Variants in NEURL1 observed in about 807,000 individuals in gnomAD.
The protein encoded by NEURL1 is neuralized E3 ubiquitin protein ligase 1.
In NEURL1, 26 loss-of-function variants were observed where a neutral mutation model predicts 41.2. The ratio of observed to expected loss-of-function variants is 0.63; its 90% CI spans 0.46 to 0.87. The LOEUF (loss-of-function observed/expected upper bound fraction) is 0.87. Ranked by LOEUF, NEURL1 falls within the 40% of genes least tolerant of loss-of-function variation. The pLI is 0.00. For missense variants in NEURL1, 761 were observed against 871.1 expected, an observed-to-expected ratio of 0.87 and a Z score of 1.59; for synonymous variants, 400 against 402.3, an observed-to-expected ratio of 0.99 and a Z score of 0.07.
chr10:103,530,964 T>A (rs1422805377), intron 1 of NEURL1, among the ~76,000 whole-genome samples: 3 of 152,134 alleles, frequency 2.0e-5, no homozygotes, highest in African/African-American at 7.2e-5. Context: ...GGCTTATGCC[T>A]ATAATCCCAG....
At chr10:103,514,171 C>T (rs527915961) in intron 1 of NEURL1, among the ~76,000 whole-genome samples, 1 of 152,060 alleles carries the variant, frequency 6.6e-6, no homozygotes, top group East Asian at 1.9e-4. Flanking sequence ...TCACTGCAAC[C>T]TCCGCCTCCT....
chr10:103,522,147 G>C (rs1400896752), intron 1 of NEURL1, among the ~76,000 whole-genome samples: 2 of 152,118 alleles, frequency 1.3e-5, no homozygotes, highest in Non-Finnish European at 2.9e-5. Context: ...CATCAGTTAA[G>C]GCAAGAACTG....
chr10:103,530,149 C>A (rs2034540191), intron 1 of NEURL1, among the ~76,000 whole-genome samples: 1 of 152,096 alleles, frequency 6.6e-6, no homozygotes, highest in Non-Finnish European at 1.5e-5. Context: ...AAAAAACCAA[C>A]TTTTTTTGTC....
chr10:103,523,572 A>G (rs969587166), intron 1 of NEURL1, among the ~76,000 whole-genome samples: 3 of 152,150 alleles, frequency 2.0e-5, no homozygotes, highest in Admixed American at 1.3e-4. Context: ...GTGCTTCTGA[A>G]TCTGTAAACC....
At chr10:103,576,096 A>C (rs1041163415) in intron 3 of NEURL1, among the ~76,000 whole-genome samples, 1 of 152,194 alleles carries the variant, frequency 6.6e-6, no homozygotes, top group African/African-American at 2.4e-5. Flanking sequence ...TCCTGGAATA[A>C]TGTTTTCCCT....
chr10:103,589,337 G>A (rs1444014688), intron 4 of NEURL1, among the ~76,000 whole-genome samples, 177 bp from the exon 5 acceptor site: 1 of 152,222 alleles, frequency 6.6e-6, no homozygotes, highest in Non-Finnish European at 1.5e-5. Flanking sequence ...TAGCTGATTA[G>A]CTATACTCCA....
chr10:103,497,563 A>T (rs1285631790), intron 1 of NEURL1, among the ~76,000 whole-genome samples: 1 of 152,160 alleles, frequency 6.6e-6, no homozygotes, highest in Admixed American at 6.6e-5. Context: ...GGCTGACATG[A>T]CATGGGACAT....
chr10:103,584,537 T>C lies in NEURL1; in HGVS notation c.651T>C (p.Asp217=). Residue 217 remains aspartate (D), a splice_region_variant and synonymous_variant, in exon 4 of 6, where the codon GAT becomes GAC. Transcript: ENST00000369780. ...CACTGCCCCGTGTCTCCCGCGCAGA[T>C]AGCGAGCTGGTGCTCCCGGACTGTC... ...YGLTRGVQLL[D]SELVLPDCLR... is the part of the protein sequence containing the mutation. 6 of 1,366,452 alleles carry C rather than the reference T, an allele frequency of 4.4e-6. No homozygotes were observed. The highest frequency in any genetic ancestry group is 3.1e-5 in the East Asian group (1 of 32,512). The allele number at this position is 1,366,452 out of a possible 1,614,324, so 84.6% of individuals were successfully genotyped here.
At chr10:103,534,140 G>A (rs1300013826) in intron 1 of NEURL1, among the ~76,000 whole-genome samples, 2 of 147,594 alleles carry the variant, frequency 1.4e-5, no homozygotes, top group Non-Finnish European at 3.0e-5. Flanking sequence ...CTTTCACATC[G>A]TGAATTGTTT....
chr10:103,584,858 G>A lies in NEURL1; in HGVS notation c.972G>A (p.Ala324=). The A allele has an allele frequency of 7.1e-7, 1 of 1,408,042 alleles. No individual in the cohort carries two copies. Among genetic ancestry groups the A allele is most frequent in the Non-Finnish European group, 9.2e-7 (1 of 1,090,190 alleles). The allele number at this position is 1,408,042 out of a possible 1,614,324, so 87.2% of individuals were successfully genotyped here. A position where few individuals can be genotyped will look rare whatever the true frequency, so the allele number is the denominator to read the frequency against. Residue 324 remains alanine (A), a synonymous_variant, in exon 4 of 6, where the codon GCG becomes GCA. Coordinates refer to ENST00000369780, the MANE Select transcript of NEURL1 (RefSeq NM_004210.5). Reference sequence around the variant, plus strand: ...TGGAGCACGGGCGCGACGAGCGCGCGCTCGTCTTCACCAGCCGGCCCGTGC... The same window carrying A: ...TGGAGCACGGGCGCGACGAGCGCGCACTCGTCTTCACCAGCCGGCCCGTGC... ...ARVEHGRDER[A]LVFTSRPVRV...
intron 3 of NEURL1, among the ~76,000 whole-genome samples, chr10:103,573,522 A>AG (rs2035593339): frequency 6.6e-6 from 1 of 152,146 alleles, no homozygotes; most frequent in African/African-American, 2.4e-5. Flanking sequence ...TTCTTCACTC[A>AG]GGGCTCAAGT....
At chr10:103,548,936 C>T (rs533849339) in intron 1 of NEURL1, 1 of 152,370 alleles carries the variant, frequency 6.6e-6, no homozygotes, top group Admixed American at 6.5e-5. Context: ...TCCATCCACC[C>T]TTCCTGACCT....
intron 3 of NEURL1, among the ~76,000 whole-genome samples, chr10:103,577,243 A>C (rs7911468): frequency 0.013 from 2,030 of 152,154 alleles, 49 homozygotes; most frequent in African/African-American, 0.045. Flanking sequence ...TCTGCCAGCT[A>C]TATCAGTGCC....
Position 103,584,777 on chromosome 10 carries a change from C to G in NEURL1, c.891C>G (p.His297Gln). 2.1e-6 allele frequency: 3 copies of G among 1,441,250 alleles called. No homozygotes were observed. Among genetic ancestry groups the G allele is most frequent in the Non-Finnish European group, 2.7e-6 (3 of 1,102,134 alleles). 89.3% of individuals were successfully genotyped at this position (1,441,250 alleles called of 1,614,324 possible). The stretch of plus-strand genomic sequence containing the variant: ...AGCTCGACGGCGACCTGCGTTTCCA[C>G]GCCCTGCGCGCCGGCGCGCACGTCC... The part of the protein sequence containing the change: ...PAQLDGDLRF[H>Q]ALRAGAHVRI... The change falls in exon 4 of 6, where the codon CAC becomes CAG. Residue 297 changes from histidine to glutamine, a missense_variant. By Grantham distance (24) the His-to-Gln change is conservative. Transcript: ENST00000369780.
chr10:103,518,233 T>TAA (rs34821304), intron 1 of NEURL1, among the ~76,000 whole-genome samples: 5 of 151,246 alleles, frequency 3.3e-5, no homozygotes, highest in African/African-American at 1.2e-4. Flanking sequence ...TACCATGATT[T>TAA]AAAAAAAAAG....
At chr10:103,518,988 T>C (rs1407692403) in intron 1 of NEURL1, among the ~76,000 whole-genome samples, 1 of 152,246 alleles carries the variant, frequency 6.6e-6, no homozygotes, top group Non-Finnish European at 1.5e-5. Flanking sequence ...CTCATGCCTA[T>C]AATCCCAGCA....
At chr10:103,565,391 A>T (rs1292137781) in intron 1 of NEURL1, among the ~76,000 whole-genome samples, 1 of 152,190 alleles carries the variant, frequency 6.6e-6, no homozygotes, top group Admixed American at 6.5e-5. Flanking sequence ...CACGGTAATC[A>T]GTGGGTGGGG....
intron 1 of NEURL1, among the ~76,000 whole-genome samples, chr10:103,567,857 G>GT (rs1340999990): frequency 2.0e-5 from 3 of 152,214 alleles, no homozygotes; most frequent in African/African-American, 4.8e-5. Context: ...TAAGTTTGCC[G>GT]TAAGAGTGAA....
chr10:103,522,786 C>T (rs538358065), intron 1 of NEURL1, among the ~76,000 whole-genome samples: 6 of 152,124 alleles, frequency 3.9e-5, no homozygotes, highest in East Asian at 1.9e-4. Flanking sequence ...AGCCATGATC[C>T]GCTGGTTGGA....
Sources: gnomAD v4.1 joint callset for allele counts (sites outside exome capture counted in the v4.1 genomes callset) on GRCh38, gnomAD v4.1.1 for gene constraint, MANE v1.5 for transcripts, NCBI Gene and HGNC (gene_info 2026-07-23, HGNC 2026-07-21) for gene names.